The following GMDS variants were observed in gnomAD, a reference collection of about 807,000 sequenced individuals.
The protein encoded by GMDS is GDP-mannose 4,6 dehydratase.
In GMDS, 20 loss-of-function variants were observed where a neutral mutation model predicts 49.9. That is an observed-to-expected ratio of 0.40 (90% CI 0.28 to 0.58). GMDS has a LOEUF of 0.58. GMDS is among the 20% of genes least tolerant of loss of function. The pLI, the probability that GMDS is intolerant of heterozygous loss-of-function variation, is 0.42. For synonymous variants in GMDS, 177 were observed against 178.6 expected, an observed-to-expected ratio of 0.99 and a Z score of 0.07; for missense variants, 362 against 481.4, an observed-to-expected ratio of 0.75 and a Z score of 2.32.
At chr6:2,240,461 A>C (rs1388282277) in intron 1 of GMDS, among the ~76,000 whole-genome samples, 1 of 152,128 alleles carries the variant, frequency 6.6e-6, no homozygotes, top group Non-Finnish European at 1.5e-5. Context: ...AGAAAGAGCT[A>C]AGCAGTAATT....
At chr6:2,211,985 T>C (rs1780082193) in intron 1 of GMDS, among the ~76,000 whole-genome samples, 1 of 152,214 alleles carries the variant, frequency 6.6e-6, no homozygotes, top group Admixed American at 6.5e-5. Flanking sequence ...TGGTAATAAT[T>C]TAACCCATCT....
In GMDS at chr6:1,802,696, CGG is replaced by C. The variant is rs1053995077; in HGVS notation, c.772-60112_772-60111del. Among the ~76,000 whole-genome samples, 10 of 152,200 alleles carry C rather than the reference CGG, an allele frequency of 6.6e-5. 1 individual carries two copies. The highest frequency in any genetic ancestry group is 2.4e-4 in the African/African-American group (10 of 41,452). Reference sequence around the variant, plus strand: ...GATTCCAGCAAAAACATGTGTTATGCGGGGAGGAGGGGGCGCTCCGCTGAATG... The same window carrying C: ...GATTCCAGCAAAAACATGTGTTATGCGGAGGAGGGGGCGCTCCGCTGAATG... On this transcript the variant is annotated intron_variant, in intron 7 of 10. Coordinates refer to ENST00000380815, the MANE Select transcript of GMDS (RefSeq NM_001500.4).
intron 9 of GMDS, among the ~76,000 whole-genome samples, chr6:1,688,520 C>A (rs1765062458): frequency 6.6e-6 from 1 of 152,186 alleles, no homozygotes; most frequent in Non-Finnish European, 1.5e-5. Context: ...ACATCCTCTC[C>A]GTGATTCTCC....
At chr6:2,059,707 C>CAAAAAAAA (rs35230658) in intron 4 of GMDS, among the ~76,000 whole-genome samples, 179 of 17,744 alleles carry the variant, frequency 0.01, 27 homozygotes, top group Admixed American at 0.038. Context: ...GACTCCGTCT[C>CAAAAAAAA]AAAAAAAAAA....
At chr6:2,179,568 C>G (rs1038528111) in intron 1 of GMDS, among the ~76,000 whole-genome samples, 1 of 152,190 alleles carries the variant, frequency 6.6e-6, no homozygotes, top group Non-Finnish European at 1.5e-5. Context: ...GACTAGGCAC[C>G]ATCTTGGAAG....
chr6:1,846,211 G>A (rs1673957472), intron 7 of GMDS, among the ~76,000 whole-genome samples: 1 of 150,882 alleles, frequency 6.6e-6, no homozygotes, highest in Non-Finnish European at 1.5e-5. Flanking sequence ...TCCCACCACA[G>A]CCTCCCAAGT....
intron 9 of GMDS, among the ~76,000 whole-genome samples, chr6:1,650,205 A>G (rs1763609400): frequency 6.6e-6 from 1 of 152,138 alleles, no homozygotes; most frequent in Non-Finnish European, 1.5e-5. Flanking sequence ...TATCGTACCA[A>G]GAGTTTTAAC....
At chr6:1,753,445 A>T (rs1767814735) in intron 7 of GMDS, among the ~76,000 whole-genome samples, 1 of 152,212 alleles carries the variant, frequency 6.6e-6, no homozygotes, top group Non-Finnish European at 1.5e-5. Context: ...TAATAGTGGG[A>T]GACTTTAACA....
chr6:1,878,314 C>CAAAA (rs11463549), intron 7 of GMDS, among the ~76,000 whole-genome samples: 9 of 72,544 alleles, frequency 1.2e-4, no homozygotes, highest in East Asian at 4.3e-4. Context: ...GAATCCATCT[C>CAAAA]AAAAAAAAAA....
At chr6:1,949,534 G>A (rs967016905) in intron 6 of GMDS, among the ~76,000 whole-genome samples, 1 of 152,152 alleles carries the variant, frequency 6.6e-6, no homozygotes, top group Admixed American at 6.5e-5. Context: ...ATTTCATTTT[G>A]TTTGGTGGTA....
At chr6:1,935,088 T>G (rs529429863) in intron 6 of GMDS, among the ~76,000 whole-genome samples, 56 of 152,342 alleles carry the variant, frequency 3.7e-4, no homozygotes, top group African/African-American at 1.2e-3. Flanking sequence ...AATACATACT[T>G]GATTTATAAA....
intron 9 of GMDS, among the ~76,000 whole-genome samples, chr6:1,645,469 T>C (rs73398755): frequency 2.0e-4 from 31 of 152,348 alleles, no homozygotes; most frequent in African/African-American, 7.0e-4. Flanking sequence ...GTGCACGGCA[T>C]GCTCGAGTGC....
chr6:2,011,309 T>G (rs972177752), intron 4 of GMDS, among the ~76,000 whole-genome samples: 6 of 152,246 alleles, frequency 3.9e-5, no homozygotes, highest in East Asian at 1.9e-4. Context: ...AAGATGTTGG[T>G]GAGGATGCAA....
intron 4 of GMDS, among the ~76,000 whole-genome samples, chr6:2,054,326 C>T (rs1204249459): frequency 6.6e-6 from 1 of 151,870 alleles, no homozygotes; most frequent in East Asian, 1.9e-4. Context: ...AACAAACAAA[C>T]AACAATAACA....
intron 7 of GMDS, among the ~76,000 whole-genome samples, chr6:1,854,430 T>C (rs751173990): frequency 1.3e-5 from 2 of 152,220 alleles, no homozygotes; most frequent in African/African-American, 2.4e-5. Context: ...GTTAATCATG[T>C]CCTCCAGCAC....
intron 1 of GMDS, among the ~76,000 whole-genome samples, chr6:2,203,564 T>C (rs1304269559): frequency 6.6e-6 from 1 of 152,166 alleles, no homozygotes; most frequent in African/African-American, 2.4e-5. Flanking sequence ...GGTGTGACAT[T>C]TAGGCTATGA....
chr6:1,768,335 T>A (rs1225538467), intron 7 of GMDS, among the ~76,000 whole-genome samples: 5 of 152,206 alleles, frequency 3.3e-5, no homozygotes, highest in Non-Finnish European at 5.9e-5. Flanking sequence ...ATAGGATATG[T>A]TCAAAAAGTG....
chr6:2,112,391 A>G (rs558776483), intron 4 of GMDS, among the ~76,000 whole-genome samples: 4 of 152,324 alleles, frequency 2.6e-5, no homozygotes, highest in African/African-American at 2.4e-5. Flanking sequence ...TTTAAGGAAC[A>G]TATTCTATTT....
At chr6:2,138,107 A>G (rs2127525165) in intron 1 of GMDS, among the ~76,000 whole-genome samples, 1 of 152,324 alleles carries the variant, frequency 6.6e-6, no homozygotes, top group Middle Eastern at 3.4e-3. Flanking sequence ...TTCTTAAAAC[A>G]TTCAAAAATA....
Sources: allele counts gnomAD v4.1 joint callset (sites outside exome capture counted in the v4.1 genomes callset), GRCh38; gene constraint gnomAD v4.1.1; transcripts MANE v1.5; gene names NCBI Gene and HGNC (gene_info 2026-07-23, HGNC 2026-07-21).